The following CACNG8 variants were observed in gnomAD, a reference collection of about 807,000 sequenced individuals.
The protein encoded by CACNG8 is calcium voltage-gated channel auxiliary subunit gamma 8.
Under a neutral mutation model 26.9 loss-of-function variants are expected in CACNG8, and 5 were observed. That is an observed-to-expected ratio of 0.19 (90% CI 0.10 to 0.39). The LOEUF (loss-of-function observed/expected upper bound fraction) is 0.39, where lower values mean the gene tolerates loss of function less well. Ranked by LOEUF, CACNG8 falls within the 10% of genes least tolerant of loss-of-function variation. The pLI is 1.00. For missense variants in CACNG8, 473 were observed against 609.4 expected (o/e 0.78, Z 2.36); for synonymous variants, 321 against 296.7 (o/e 1.08, Z -0.84).
chr19:53,987,421 T>C lies in CACNG8; in HGVS notation c.*4572T>C, dbSNP rs1042624609. The C allele has an allele frequency of 6.6e-6, 1 of 152,518 alleles. No homozygotes were observed. The highest frequency in any genetic ancestry group is 1.5e-5 in the Non-Finnish European group (1 of 68,062). 9.4% of individuals were successfully genotyped at this position (152,518 alleles called of 1,614,324 possible). Reference sequence around the variant, plus strand: ...CAGAATTACATTGCTGTGCTGAGCATACGTAGACTTCAGGAGTCAAAGGGG... The same window carrying C: ...CAGAATTACATTGCTGTGCTGAGCACACGTAGACTTCAGGAGTCAAAGGGG... On this transcript the variant is annotated 3_prime_UTR_variant, in exon 4 of 4. Coordinates refer to ENST00000270458, the MANE Select transcript of CACNG8 (RefSeq NM_031895.6).
chr19:53,982,870 G>C lies in CACNG8; in HGVS notation c.*21G>C. ...TGTAGGGGCGCGGCGGGGGAGCCGA[G>C]GGGCGTGTCCGGGGCGCGTGCGCGG... On this transcript the variant is annotated 3_prime_UTR_variant, in exon 4 of 4. Transcript: ENST00000270458. This position sits in a 1 kb window ranked among gnomAD's most constrained non-coding sequence, Gnocchi z 8.4. 2.4e-6 allele frequency: 3 copies of C among 1,270,508 alleles called. No homozygotes were observed. The highest frequency in any genetic ancestry group is 3.0e-6 in the Non-Finnish European group (3 of 1,007,572). 78.7% of individuals were successfully genotyped at this position (1,270,508 alleles called of 1,614,324 possible).
In CACNG8 at chr19:53,987,959, G is replaced by T. The variant is rs139243248; in HGVS notation, c.*5110G>T. 1 of 152,316 alleles carries T rather than the reference G, an allele frequency of 6.6e-6. No homozygotes were observed. The highest frequency in any genetic ancestry group is 1.9e-4 in the East Asian group (1 of 5,162). The allele number at this position is 152,316 out of a possible 1,614,324, so 9.4% of individuals were successfully genotyped here. On this transcript the variant is annotated 3_prime_UTR_variant, in exon 4 of 4. Transcript: ENST00000270458. ...CAGAGCCTTGGGGACATCTACATCTGGGGGAGAAGGGGATGTAGCAAAACG... is the reference window on the plus strand; with the variant it reads ...CAGAGCCTTGGGGACATCTACATCTTGGGGAGAAGGGGATGTAGCAAAACG...
chr19:53,977,701 T>C (rs928689777), intron 1 of CACNG8, among the ~76,000 whole-genome samples: 5 of 152,214 alleles, frequency 3.3e-5, no homozygotes, highest in African/African-American at 9.6e-5. Context: ...CCTCATCGGC[T>C]TCCGCATCAC....
chr19:53,980,037 G>A (rs1167788741), intron 3 of CACNG8, 30 bp downstream of exon 3: 3 of 1,581,560 alleles, frequency 1.9e-6, no homozygotes, highest in Admixed American at 1.8e-5. Context: ...GGCGACCGGG[G>A]CGGCCCACCT....
rs2069386185 is a variant in CACNG8 at position 53,983,177 on chromosome 19, CG to C, written c.*334del. The C allele has an allele frequency of 1.5e-4, 1 of 6,742 alleles. No individual in the cohort carries two copies. The highest frequency in any genetic ancestry group is 4.8e-3 in the South Asian group (1 of 210). 0.4% of individuals were successfully genotyped at this position (6,742 alleles called of 1,614,324 possible). A position where few individuals can be genotyped will look rare whatever the true frequency, so the allele number is the denominator to read the frequency against. On this transcript the variant is annotated 3_prime_UTR_variant, in exon 4 of 4. Transcript: ENST00000270458. ...TTTGCTGTGTGCATGGGGGGCGGGG[CG>C]GGGGGAGGGGAGGGAGGGACTCCCA...
At chr19:53,978,867 G>GT (rs1330129782) in intron 2 of CACNG8, among the ~76,000 whole-genome samples, 2 of 143,486 alleles carry the variant, frequency 1.4e-5, no homozygotes, top group Non-Finnish European at 3.0e-5. Context: ...CCTAAAGGGG[G>GT]TAGGGAGGGA....
At chr19:53,980,444 G>C (rs1294883023) in intron 3 of CACNG8, among the ~76,000 whole-genome samples, 1 of 152,072 alleles carries the variant, frequency 6.6e-6, no homozygotes, top group African/African-American at 2.4e-5. Flanking sequence ...GCGCCGATGA[G>C]GAGCCTGCTT....
intron 1 of CACNG8, among the ~76,000 whole-genome samples, chr19:53,975,807 T>C (rs1386112395): frequency 6.6e-6 from 1 of 152,378 alleles, no homozygotes; most frequent in African/African-American, 2.4e-5. Flanking sequence ...TTGAGTTTTG[T>C]TGCCACCATC....
Position 53,982,622 on chromosome 19 carries a change from G to A in CACNG8, c.1051G>A (p.Gly351Ser), listed in dbSNP as rs2145942814. 2.0e-6 allele frequency: 2 copies of A among 994,530 alleles called. No individual in the cohort carries two copies. Among genetic ancestry groups the A allele is most frequent in the Middle Eastern group, 5.1e-4 (1 of 1,964 alleles). The allele number at this position is 994,530 out of a possible 1,614,324, so 61.6% of individuals were successfully genotyped here. Residue 351 changes from glycine (G) to serine (S), a missense_variant, in exon 4 of 4, where the codon GGC (glycine) becomes AGC (serine). By Grantham distance (56) the Gly-to-Ser change is moderately conservative. Around this residue, in one of 6 missense-constraint regions of CACNG8, gnomAD observed 212 missense variants for 214.4 expected, o/e 0.99. Transcript: ENST00000270458. This position sits in a 1 kb window ranked among gnomAD's most constrained non-coding sequence, Gnocchi z 8.4. ...CGCCGGGGGCGGCGGCGGAGGCGGC[G>A]GCGGGGCGGGTGCCGAGCGGGACCG... is the stretch of plus-strand genomic sequence containing the variant.
intron 1 of CACNG8, among the ~76,000 whole-genome samples, chr19:53,969,969 T>G (rs1177015552): frequency 6.6e-6 from 1 of 150,558 alleles, no homozygotes; most frequent in African/African-American, 2.5e-5. Flanking sequence ...CTGTCTCTAC[T>G]AAATATACAA....
Position 53,982,434 on chromosome 19 carries a change from A to T in CACNG8, c.863A>T (p.Asp288Val). ...TCCAGCGAGCCGTCGCCGTCGCGGG[A>T]CGCGTCTCCCGGCGGCCCCGGGGGC... The change falls in exon 4 of 4, where the codon GAC becomes GTC. Residue 288 changes from aspartate to valine, a missense_variant. Coordinates refer to ENST00000270458, the MANE Select transcript of CACNG8 (RefSeq NM_031895.6). The surrounding 1 kb of genome is among the most constrained non-coding windows in gnomAD (Gnocchi z 8.4). The T allele has an allele frequency of 6.6e-7, 1 of 1,518,650 alleles. No individual in the cohort carries two copies. Among genetic ancestry groups the T allele is most frequent in the Non-Finnish European group, 8.8e-7 (1 of 1,140,244 alleles). The allele number at this position is 1,518,650 out of a possible 1,614,324, so 94.1% of individuals were successfully genotyped here.
chr19:53,980,466 C>A (rs1280797478), intron 3 of CACNG8, among the ~76,000 whole-genome samples: 3 of 151,412 alleles, frequency 2.0e-5, no homozygotes, highest in Non-Finnish European at 2.9e-5. Flanking sequence ...AAGGGGCGGG[C>A]CTTTGGAGAC....
intron 1 of CACNG8, among the ~76,000 whole-genome samples, chr19:53,974,997 G>A (rs1338143778): frequency 2.0e-5 from 3 of 150,956 alleles, no homozygotes; most frequent in African/African-American, 7.3e-5. Context: ...TCACCAGGCT[G>A]GAGTGCAGTG....
intron 1 of CACNG8, among the ~76,000 whole-genome samples, chr19:53,973,524 T>C (rs976969356): frequency 1.4e-5 from 2 of 139,944 alleles, no homozygotes; most frequent in African/African-American, 5.4e-5. Flanking sequence ...CTCTATCTCT[T>C]AAAAAAAATA....
chr19:53,982,847 T>C lies in CACNG8; in HGVS notation c.1276T>C (p.Ter426GlnextTer145). 1 of 1,315,122 alleles carries C rather than the reference T, an allele frequency of 7.6e-7. No individual in the cohort carries two copies. The highest frequency in any genetic ancestry group is 1.7e-5 in the South Asian group (1 of 57,524). 81.5% of individuals were successfully genotyped at this position (1,315,122 alleles called of 1,614,324 possible). The change falls in exon 4 of 4, where the codon TAG (stop) becomes CAG (glutamine). Residue 426 changes from the stop codon to glutamine, a stop_lost. Coordinates refer to ENST00000270458, the MANE Select transcript of CACNG8 (RefSeq NM_031895.6). The surrounding 1 kb of genome is among the most constrained non-coding windows in gnomAD (Gnocchi z 8.4). ...GCTCAACAGGAAAACCACGCCTGTGTAGGGGCGCGGCGGGGGAGCCGAGGG... is the reference window on the plus strand; with the variant it reads ...GCTCAACAGGAAAACCACGCCTGTGCAGGGGCGCGGCGGGGGAGCCGAGGG...
At position 53,982,889 on chromosome 19, in the gene CACNG8, T is replaced by G. The variant is rs1312623600; in HGVS notation, c.*40T>G. 15 of 1,205,674 alleles carry G rather than the reference T, an allele frequency of 1.2e-5. No individual in the cohort carries two copies. The East Asian group carries it at 2.0e-4, about 16-fold the overall frequency. The allele number at this position is 1,205,674 out of a possible 1,614,324, so 74.7% of individuals were successfully genotyped here. On this transcript the variant is annotated 3_prime_UTR_variant, in exon 4 of 4. Coordinates refer to ENST00000270458, the MANE Select transcript of CACNG8 (RefSeq NM_031895.6). This position sits in a 1 kb window ranked among gnomAD's most constrained non-coding sequence, Gnocchi z 8.4. Reference sequence around the variant, plus strand: ...AGCCGAGGGGCGTGTCCGGGGCGCGTGCGCGGGCGCGCGTGCATCGAGGCT... The same window carrying G: ...AGCCGAGGGGCGTGTCCGGGGCGCGGGCGCGGGCGCGCGTGCATCGAGGCT...
At chr19:53,968,768 C>CAA (rs34461203) in intron 1 of CACNG8, among the ~76,000 whole-genome samples, 15,355 of 50,064 alleles carry the variant, frequency 0.31, 2,611 homozygotes, top group East Asian at 0.45. Context: ...GACTCTATCT[C>CAA]AAAAAAAAAA....
chr19:53,964,686 CT>C (rs1568795319), intron 1 of CACNG8, among the ~76,000 whole-genome samples: 1 of 152,116 alleles, frequency 6.6e-6, no homozygotes, highest in East Asian at 1.9e-4. Flanking sequence ...TCCAAGACTC[CT>C]GCCCTCTGCT....
intron 3 of CACNG8, 101 bp from the exon 4 acceptor site, chr19:53,981,979 G>A (rs2069371234): frequency 7.7e-7 from 1 of 1,301,250 alleles, no homozygotes; most frequent in Non-Finnish European, 1.0e-6. Context: ...GCCTGGGGGT[G>A]GCGCCTGGGC....
Sources: gnomAD v4.1 joint callset for allele counts (sites outside exome capture counted in the v4.1 genomes callset) on GRCh38, gnomAD v4.1.1 for gene constraint, gnomAD v4.1.1 regional missense constraint, Gnocchi (gnomAD v3.1) non-coding constraint, MANE v1.5 for transcripts, NCBI Gene and HGNC (gene_info 2026-07-23, HGNC 2026-07-21) for gene names.